Variants in SPATA17 observed in about 807,000 individuals in gnomAD.
SPATA17 encodes the protein spermatogenesis-associated protein 17.
A neutral mutation model predicts 62.2 loss-of-function variants in SPATA17; 53 were observed. The ratio of observed to expected loss-of-function variants is 0.85; its 90% CI spans 0.68 to 1.07. The LOEUF is 1.07. Ranked by LOEUF, SPATA17 falls within the 50% of genes least tolerant of loss-of-function variation. The pLI is 0.00. For missense variants in SPATA17, 466 were observed against 425.5 expected (o/e 1.10, Z -0.84); for synonymous variants, 146 against 146.8 (o/e 0.99, Z 0.04).
intron 5 of SPATA17, among the ~76,000 whole-genome samples, chr1:217,698,920 G>A (rs557598124): frequency 1.3e-5 from 2 of 152,110 alleles, no homozygotes; most frequent in East Asian, 1.9e-4. Flanking sequence ...TCTGTTTGCC[G>A]TTTCTATAAT....
chr1:217,702,315 A>C (rs572504196), intron 5 of SPATA17, among the ~76,000 whole-genome samples: 1 of 152,190 alleles, frequency 6.6e-6, no homozygotes, highest in South Asian at 2.1e-4. Context: ...CTTTATTCTA[A>C]TTTTTTAAAT....
At chr1:217,633,400 A>AT (rs34297962) in intron 1 of SPATA17, among the ~76,000 whole-genome samples, 31,618 of 151,896 alleles carry the variant, frequency 0.21, 4,131 homozygotes, top group Non-Finnish European at 0.3. Flanking sequence ...GATAATCTAT[A>AT]TTTTTAGAGC....
At chr1:217,656,874 T>C (rs1670456282) in intron 3 of SPATA17, among the ~76,000 whole-genome samples, 1 of 152,206 alleles carries the variant, frequency 6.6e-6, no homozygotes, top group African/African-American at 2.4e-5. Context: ...ATTACTGTTA[T>C]GTGGAGAAGA....
chr1:217,753,227 T>G (rs1045075650), intron 6 of SPATA17, among the ~76,000 whole-genome samples: 2 of 152,168 alleles, frequency 1.3e-5, no homozygotes, highest in Non-Finnish European at 2.9e-5. Flanking sequence ...AAGCTTAAGC[T>G]TCCTTAGTTT....
In SPATA17 at chr1:217,681,724, T is replaced by C. The variant is rs115395594; in HGVS notation, c.292-1534T>C. Among the ~76,000 whole-genome samples the C allele has an allele frequency of 7.6e-3, 1,160 of 152,220 alleles. 5 individuals are homozygous for C. The highest frequency in any genetic ancestry group is 0.012 in the Non-Finnish European group (805 of 68,016). ...GTTTAATATCTTAAATTGTAAATGATTATAAATGACCTTTTAAATGGCCAT... is the reference window on the plus strand; with the variant it reads ...GTTTAATATCTTAAATTGTAAATGACTATAAATGACCTTTTAAATGGCCAT... On this transcript the variant is annotated intron_variant, in intron 4 of 10. Transcript: ENST00000366933.
intron 3 of SPATA17, among the ~76,000 whole-genome samples, chr1:217,667,719 G>A (rs1263941503): frequency 3.3e-5 from 5 of 152,240 alleles, no homozygotes; most frequent in South Asian, 2.1e-4. Flanking sequence ...AATATCCAAC[G>A]TATTTCTTCT....
intron 8 of SPATA17, among the ~76,000 whole-genome samples, chr1:217,799,401 C>T (rs963953745): frequency 2.6e-5 from 4 of 152,074 alleles, no homozygotes; most frequent in African/African-American, 7.2e-5. Flanking sequence ...AGTGCAGCAG[C>T]CGGCTCGCAG....
At chr1:217,838,729 T>C (rs1012713865) in intron 9 of SPATA17, among the ~76,000 whole-genome samples, 1 of 152,126 alleles carries the variant, frequency 6.6e-6, no homozygotes, top group African/African-American at 2.4e-5. Context: ...ATTTATGTTG[T>C]GAAAAAATCA....
intron 5 of SPATA17, among the ~76,000 whole-genome samples, chr1:217,685,946 G>A (rs2102908240): frequency 6.6e-6 from 1 of 152,068 alleles, no homozygotes; most frequent in Middle Eastern, 3.4e-3. Flanking sequence ...TTTATTTTTT[G>A]TTATTGATGC....
chr1:217,713,706 T>G (rs1417896595), intron 5 of SPATA17, among the ~76,000 whole-genome samples: 3 of 152,318 alleles, frequency 2.0e-5, no homozygotes, highest in Non-Finnish European at 4.4e-5. Flanking sequence ...ATTCTCTGTG[T>G]GTATGTGTTA....
intron 8 of SPATA17, among the ~76,000 whole-genome samples, chr1:217,783,542 A>G (rs999504511): frequency 6.6e-6 from 1 of 152,060 alleles, no homozygotes; most frequent in East Asian, 1.9e-4. Context: ...TCATTTTACC[A>G]CACATATCGT....
chr1:217,751,870 A>C (rs1672916780), intron 6 of SPATA17, among the ~76,000 whole-genome samples: 1 of 152,192 alleles, frequency 6.6e-6, no homozygotes, highest in Admixed American at 6.5e-5. Flanking sequence ...TTTCCTTTTA[A>C]GTGTGCAGCA....
intron 5 of SPATA17, among the ~76,000 whole-genome samples, chr1:217,700,061 G>A (rs1671555771): frequency 6.6e-6 from 1 of 151,916 alleles, no homozygotes; most frequent in Admixed American, 6.6e-5. Context: ...CTTATCTACT[G>A]TAACTATATA....
chr1:217,654,380 C>T (rs1479725656), intron 3 of SPATA17, among the ~76,000 whole-genome samples: 1 of 152,104 alleles, frequency 6.6e-6, no homozygotes, highest in Non-Finnish European at 1.5e-5. Context: ...CTGCCTCTGC[C>T]TCCCGAAATG....
At chr1:217,681,181 C>T (rs1407485874) in intron 4 of SPATA17, among the ~76,000 whole-genome samples, 3 of 150,256 alleles carry the variant, frequency 2.0e-5, no homozygotes, top group African/African-American at 2.4e-5. Context: ...GAACCGAAAT[C>T]GCGCCACTGC....
intron 1 of SPATA17, among the ~76,000 whole-genome samples, chr1:217,647,089 T>C (rs1670199939): frequency 6.6e-6 from 1 of 152,248 alleles, no homozygotes; most frequent in Non-Finnish European, 1.5e-5. Flanking sequence ...GAAAGGATTA[T>C]GTATGAGTTA....
intron 9 of SPATA17, among the ~76,000 whole-genome samples, chr1:217,861,438 T>G (rs1280412684): frequency 2.7e-5 from 4 of 150,318 alleles, no homozygotes; most frequent in Non-Finnish European, 5.9e-5. Flanking sequence ...GTTCTGAGTT[T>G]CAGTGTTATC....
intron 9 of SPATA17, among the ~76,000 whole-genome samples, chr1:217,820,270 G>A (rs1157278075): frequency 6.6e-6 from 1 of 152,016 alleles, no homozygotes; most frequent in Non-Finnish European, 1.5e-5. Flanking sequence ...GATTGAAAAA[G>A]TGAGGTTTAT....
intron 9 of SPATA17, among the ~76,000 whole-genome samples, chr1:217,819,644 G>A (rs1169005573): frequency 6.6e-6 from 1 of 151,890 alleles, no homozygotes; most frequent in East Asian, 1.9e-4. Context: ...TACACCCAAA[G>A]GTTTGCAACA....
Sources: allele counts gnomAD v4.1 joint callset (sites outside exome capture counted in the v4.1 genomes callset), GRCh38; gene constraint gnomAD v4.1.1; transcripts MANE v1.5; gene names NCBI Gene and HGNC (gene_info 2026-07-23, HGNC 2026-07-21).